The following ERBB4 variants were observed in gnomAD, a reference collection of about 807,000 sequenced individuals.
ERBB4 encodes receptor tyrosine-protein kinase erbB-4.
In ERBB4, 42 loss-of-function variants were observed where a neutral mutation model predicts 158.0. The observed-to-expected ratio is 0.27, with a 90% CI of 0.21 to 0.34. ERBB4 has a LOEUF of 0.34. Among genes scored for constraint, ERBB4 ranks in the 10% least tolerant of loss-of-function variants. The pLI is 1.00. For missense variants in ERBB4, 1,333 were observed against 1,624.1 expected, an observed-to-expected ratio of 0.82 and a Z score of 3.08; for synonymous variants, 583 against 558.7, an observed-to-expected ratio of 1.04 and a Z score of -0.61.
intron 9 of ERBB4, among the ~76,000 whole-genome samples, chr2:211,710,449 T>C (rs1472522669): frequency 2.6e-5 from 4 of 152,146 alleles, no homozygotes; most frequent in African/African-American, 4.8e-5. Flanking sequence ...AAGAAGCACC[T>C]AAATATTGTC....
intron 1 of ERBB4, among the ~76,000 whole-genome samples, chr2:212,491,662 T>C (rs1349397504): frequency 1.3e-5 from 2 of 151,626 alleles, no homozygotes; most frequent in Non-Finnish European, 3.0e-5. Context: ...AATTTTCTTC[T>C]TTCAAAATTA....
chr2:211,671,682 T>C (rs2071845585), intron 14 of ERBB4, among the ~76,000 whole-genome samples: 1 of 152,200 alleles, frequency 6.6e-6, no homozygotes, highest in South Asian at 2.1e-4. Flanking sequence ...ATTATACATT[T>C]TGAAAAGTTT....
intron 3 of ERBB4, among the ~76,000 whole-genome samples, chr2:211,809,132 C>G (rs770070298): frequency 6.6e-6 from 1 of 152,126 alleles, no homozygotes; most frequent in Non-Finnish European, 1.5e-5. Flanking sequence ...TTTCTCTTGC[C>G]TGATTGCCCT....
intron 17 of ERBB4, among the ~76,000 whole-genome samples, chr2:211,629,090 G>A (rs1356108570): frequency 2.0e-5 from 3 of 151,922 alleles, no homozygotes; most frequent in Non-Finnish European, 4.4e-5. Flanking sequence ...CAGATGAGTA[G>A]ATTGTAAAAA....
chr2:211,461,336 T>G (rs2064525445), intron 20 of ERBB4, among the ~76,000 whole-genome samples: 1 of 152,194 alleles, frequency 6.6e-6, no homozygotes, highest in Non-Finnish European at 1.5e-5. Context: ...AAATCGGAGC[T>G]GATTTCAAGG....
At chr2:211,384,126 T>C (rs886425168) in intron 27 of ERBB4, 66 bp from the exon 28 acceptor site, 3 of 1,157,122 alleles carry the variant, frequency 2.6e-6, no homozygotes, top group East Asian at 2.4e-5. Flanking sequence ...ACCAAGGTTA[T>C]ACATAATGGT....
intron 1 of ERBB4, among the ~76,000 whole-genome samples, chr2:212,211,159 G>A (rs774448199): frequency 1.8e-4 from 28 of 152,064 alleles, no homozygotes; most frequent in Non-Finnish European, 7.4e-5. Flanking sequence ...TTATTCCACT[G>A]TGTCACTCAA....
intron 19 of ERBB4, among the ~76,000 whole-genome samples, chr2:211,611,448 A>ACTTTTGCTTTCGCTTTTCTTT (rs1559347126): frequency 8.3e-5 from 1 of 12,010 alleles, no homozygotes; most frequent in African/African-American, 2.4e-4. Context: ...TTTCGCTTTA[A>ACTTTTGCTTTCGCTTTTCTTT]TGAGTCTTGC....
At chr2:211,542,382 C>G (rs924933205) in intron 20 of ERBB4, among the ~76,000 whole-genome samples, 35 of 152,040 alleles carry the variant, frequency 2.3e-4, no homozygotes, top group African/African-American at 8.4e-4. Flanking sequence ...AAAGGCTCTT[C>G]TTGGATTCTG....
intron 1 of ERBB4, among the ~76,000 whole-genome samples, chr2:212,382,893 G>A (rs2090555376): frequency 1.3e-5 from 2 of 150,884 alleles, no homozygotes; most frequent in African/African-American, 4.8e-5. Context: ...ATACATTCAG[G>A]ACTTGGTATC....
chr2:212,430,829 T>TG (rs374595893), intron 1 of ERBB4, among the ~76,000 whole-genome samples: 8 of 151,454 alleles, frequency 5.3e-5, no homozygotes, highest in African/African-American at 1.9e-4. Context: ...AGGTGGGAGA[T>TG]GGGGGATGGG....
chr2:211,990,822 T>C (rs1575482157), intron 2 of ERBB4, among the ~76,000 whole-genome samples: 1 of 151,860 alleles, frequency 6.6e-6, no homozygotes, highest in African/African-American at 2.4e-5. Flanking sequence ...AGACAGTGAC[T>C]CAACAGGAGT....
intron 3 of ERBB4, among the ~76,000 whole-genome samples, chr2:211,905,736 ATGTG>A (rs201095879): frequency 1.1e-4 from 10 of 90,170 alleles, no homozygotes; most frequent in African/African-American, 3.2e-4. Flanking sequence ...ATGTGTGTGC[ATGTG>A]TGTGTATATA....
chr2:211,448,107 C>T (rs12994841), intron 20 of ERBB4, among the ~76,000 whole-genome samples: 9 of 151,832 alleles, frequency 5.9e-5, no homozygotes, highest in Non-Finnish European at 7.4e-5. Context: ...CCAGTAGCTG[C>T]GATTACACAT....
intron 1 of ERBB4, among the ~76,000 whole-genome samples, chr2:212,350,453 CAT>C (rs1342256137): frequency 6.6e-6 from 1 of 152,042 alleles, no homozygotes; most frequent in East Asian, 1.9e-4. Context: ...TTAATACTAA[CAT>C]GGAAAGATAT....
Position 211,984,245 on chromosome 2 carries a change from C to T in ERBB4, c.235-36629G>A, listed in dbSNP as rs185315467. ...CACTTATGCCATTCAAAGAGTAGAG[C>T]CCTCATGACTTAATCACTTCCCAAA... On this transcript the variant is annotated intron_variant, in intron 2 of 27. Coordinates refer to ENST00000342788, the MANE Select transcript of ERBB4 (RefSeq NM_005235.3). Among the ~76,000 whole-genome samples, 31 of 152,100 alleles carry T rather than the reference C, an allele frequency of 2.0e-4. No homozygotes were observed. In the East Asian group the frequency reaches 4.5e-3, roughly 22 times the overall value.
At chr2:211,770,899 G>T (rs188864635) in intron 4 of ERBB4, among the ~76,000 whole-genome samples, 1 of 152,260 alleles carries the variant, frequency 6.6e-6, no homozygotes, top group East Asian at 1.9e-4. Context: ...TGACATAGAA[G>T]TTTCGCAAAA....
chr2:211,414,086 G>A (rs769350340), intron 25 of ERBB4, among the ~76,000 whole-genome samples: 10 of 152,142 alleles, frequency 6.6e-5, no homozygotes, highest in East Asian at 1.9e-4. Flanking sequence ...TTGTGGGGGC[G>A]AGTTGGAGAC....
chr2:211,704,297 G>A, intron 10 of ERBB4, 103 bp from the exon 11 acceptor site: 3 of 783,074 alleles, frequency 3.8e-6, no homozygotes, highest in East Asian at 2.5e-5. Context: ...GTTGGGAAGT[G>A]AGAAAGGGGT....
Sources: gnomAD v4.1 joint callset for allele counts (sites outside exome capture counted in the v4.1 genomes callset) on GRCh38, gnomAD v4.1.1 for gene constraint, MANE v1.5 for transcripts, NCBI Gene and HGNC (gene_info 2026-07-23, HGNC 2026-07-21) for gene names.